The following GABRB1 variants were observed in gnomAD, a reference collection of about 807,000 sequenced individuals.
GABRB1 encodes the protein gamma-aminobutyric acid receptor subunit beta-1.
In GABRB1, 17 loss-of-function variants were observed where a neutral mutation model predicts 51.6. That is an observed-to-expected ratio of 0.33 (90% CI 0.23 to 0.49). The LOEUF (loss-of-function observed/expected upper bound fraction) is 0.49. GABRB1 is among the 20% of genes least tolerant of loss of function. The probability of loss-of-function intolerance (pLI) is 0.99; values close to 1 mark genes in which losing one functional copy is unlikely to be tolerated. For missense variants in GABRB1, 410 were observed against 600.6 expected (o/e 0.68, Z 3.32); for synonymous variants, 247 against 218.9 (o/e 1.13, Z -1.14).
intron 8 of GABRB1, among the ~76,000 whole-genome samples, chr4:47,421,866 A>G (rs1729100447): frequency 6.6e-6 from 1 of 152,090 alleles, no homozygotes; most frequent in Non-Finnish European, 1.5e-5. Flanking sequence ...TATGGACAAA[A>G]TTCATATTTT....
intron 4 of GABRB1, among the ~76,000 whole-genome samples, chr4:47,162,362 A>G (rs1717999348): frequency 6.6e-6 from 1 of 152,068 alleles, no homozygotes; most frequent in Admixed American, 6.6e-5. Context: ...TAATTCCATG[A>G]CTCAATTTAA....
At chr4:47,270,033 A>G (rs899543045) in intron 4 of GABRB1, among the ~76,000 whole-genome samples, 1 of 151,510 alleles carries the variant, frequency 6.6e-6, no homozygotes, top group Admixed American at 6.6e-5. Flanking sequence ...AACTAGCTCA[A>G]CCTAATTGGT....
intron 3 of GABRB1, among the ~76,000 whole-genome samples, chr4:47,121,679 T>C (rs1308734420): frequency 6.6e-6 from 1 of 152,192 alleles, no homozygotes; most frequent in Non-Finnish European, 1.5e-5. Context: ...TAATATATTT[T>C]CAATATGGGA....
chr4:47,004,173 G>A (rs1324583678), intron 1 of GABRB1, among the ~76,000 whole-genome samples: 1 of 152,058 alleles, frequency 6.6e-6, no homozygotes, highest in African/African-American at 2.4e-5. Flanking sequence ...TGTTTTAGTA[G>A]AGACGGGGTT....
chr4:47,313,461 A>G (rs1415301230), intron 4 of GABRB1, among the ~76,000 whole-genome samples: 3 of 152,196 alleles, frequency 2.0e-5, no homozygotes, highest in Middle Eastern at 3.2e-3. Flanking sequence ...AGTGACTAAC[A>G]ACTGTGAAGC....
chr4:47,007,895 A>ATATATATATATATATATATATAT (rs375965914), intron 1 of GABRB1, among the ~76,000 whole-genome samples: 232 of 17,386 alleles, frequency 0.013, 15 homozygotes, highest in Non-Finnish European at 0.03. Flanking sequence ...TATATATATA[A>ATATATATATATATATATATATAT]AATCAAGTTT....
intron 5 of GABRB1, among the ~76,000 whole-genome samples, chr4:47,350,838 T>A (rs1726301964): frequency 6.6e-6 from 1 of 152,192 alleles, no homozygotes; most frequent in South Asian, 2.1e-4. Flanking sequence ...CTGATCAACG[T>A]GAACACTTAA....
intron 4 of GABRB1, among the ~76,000 whole-genome samples, chr4:47,178,821 G>A (rs1577977279): frequency 1.3e-5 from 2 of 152,092 alleles, no homozygotes; most frequent in Non-Finnish European, 2.9e-5. Flanking sequence ...ATGGTTGAAT[G>A]TAGCATTTAT....
At chr4:47,250,370 C>G (rs1721940048) in intron 4 of GABRB1, among the ~76,000 whole-genome samples, 1 of 152,164 alleles carries the variant, frequency 6.6e-6, no homozygotes, top group Non-Finnish European at 1.5e-5. Flanking sequence ...GCTTCTGTCT[C>G]ACAGCTCTTA....
intron 3 of GABRB1, among the ~76,000 whole-genome samples, chr4:47,123,267 G>T (rs1715867460): frequency 7.1e-6 from 1 of 141,458 alleles, no homozygotes; most frequent in Non-Finnish European, 1.5e-5. Flanking sequence ...GTATGTGTGT[G>T]TGTGTATTTA....
intron 3 of GABRB1, among the ~76,000 whole-genome samples, chr4:47,119,898 TC>T (rs2109645838): frequency 1.3e-5 from 2 of 151,332 alleles, no homozygotes; most frequent in South Asian, 4.2e-4. Context: ...AAAGGCTGTT[TC>T]AAAAAAAAAA....
At chr4:47,175,194 C>CTCTT (rs563068063) in intron 4 of GABRB1, among the ~76,000 whole-genome samples, 10 of 146,400 alleles carry the variant, frequency 6.8e-5, no homozygotes, top group East Asian at 4.0e-4. Flanking sequence ...TTCTCTCTCT[C>CTCTT]TCTTTCTTTC....
At chr4:47,122,842 C>T (rs1224411180) in intron 3 of GABRB1, among the ~76,000 whole-genome samples, 2 of 152,176 alleles carry the variant, frequency 1.3e-5, no homozygotes, top group South Asian at 4.1e-4. Flanking sequence ...CTTTCTTCTT[C>T]CCCTAGCCTT....
chr4:47,417,081 C>T (rs2110064303), intron 8 of GABRB1, among the ~76,000 whole-genome samples: 1 of 152,224 alleles, frequency 6.6e-6, no homozygotes, highest in East Asian at 1.9e-4. Flanking sequence ...TACCTGAGTA[C>T]TGTTCTGGAA....
rs961273571 is a variant in GABRB1, at chr4:47,343,685, G to A, written c.544+23476G>A. Among the ~76,000 whole-genome samples the A allele has an allele frequency of 5.9e-5, 9 of 152,152 alleles. No individual in the cohort carries two copies. In the South Asian group the frequency reaches 1.7e-3, roughly 28 times the overall value. On this transcript the variant is annotated intron_variant, in intron 5 of 8. Transcript: ENST00000295454. ...AATGAGACTTAGAAATTTGCAGCCT[G>A]GCATGTATATACCAGAAAATTAGGC...
chr4:47,236,228 C>T (rs1233454493), intron 4 of GABRB1, among the ~76,000 whole-genome samples: 2 of 151,946 alleles, frequency 1.3e-5, no homozygotes, highest in Non-Finnish European at 2.9e-5. Context: ...TTAATTCAAG[C>T]TTTAACATCA....
intron 3 of GABRB1, among the ~76,000 whole-genome samples, chr4:47,056,720 G>C (rs896637128): frequency 2.0e-5 from 3 of 152,142 alleles, no homozygotes; most frequent in African/African-American, 4.8e-5. Context: ...ATGATGATAT[G>C]ATCTTTACCA....
chr4:47,150,278 G>C (rs1262822297), intron 3 of GABRB1, among the ~76,000 whole-genome samples: 1 of 138,342 alleles, frequency 7.2e-6, no homozygotes, highest in Non-Finnish European at 1.5e-5. Flanking sequence ...TATCTATGAA[G>C]TGAGCTAACT....
intron 3 of GABRB1, 80 bp from the exon 4 acceptor site, chr4:47,161,169 G>A: frequency 2.1e-6 from 2 of 943,720 alleles, no homozygotes; most frequent in Non-Finnish European, 3.2e-6. Context: ...ATCTCTTACA[G>A]GACATCCTAC....
Sources: gnomAD v4.1 joint callset for allele counts (sites outside exome capture counted in the v4.1 genomes callset) on GRCh38, gnomAD v4.1.1 for gene constraint, MANE v1.5 for transcripts, NCBI Gene and HGNC (gene_info 2026-07-23, HGNC 2026-07-21) for gene names.